The following RTN1 variants were observed in gnomAD, a reference collection of about 807,000 sequenced individuals.
The protein encoded by RTN1 is reticulon-1.
In RTN1, 25 loss-of-function variants were observed where a neutral mutation model predicts 65.5. That is an observed-to-expected ratio of 0.38 (90% CI 0.28 to 0.53). The LOEUF (loss-of-function observed/expected upper bound fraction) is 0.53. Ranked by LOEUF, RTN1 falls within the 20% of genes least tolerant of loss-of-function variation. RTN1 has a pLI of 0.79. For synonymous variants in RTN1, 471 were observed against 447.6 expected (o/e 1.05, Z -0.66); for missense variants, 983 against 1,025.4 (o/e 0.96, Z 0.57).
chr14:59,775,941 G>T (rs1886042084), intron 1 of RTN1, among the ~76,000 whole-genome samples: 1 of 152,070 alleles, frequency 6.6e-6, no homozygotes, highest in African/African-American at 2.4e-5. Flanking sequence ...AAGGGCAGCA[G>T]AGATCAATCC....
intron 1 of RTN1, among the ~76,000 whole-genome samples, chr14:59,773,621 C>A (rs998394436): frequency 2.0e-5 from 3 of 152,126 alleles, no homozygotes; most frequent in Non-Finnish European, 4.4e-5. Flanking sequence ...AGTTAAGAAT[C>A]TCCTAAAGAC....
At chr14:59,764,222 T>C (rs1393056672) in intron 1 of RTN1, among the ~76,000 whole-genome samples, 4 of 152,164 alleles carry the variant, frequency 2.6e-5, no homozygotes, top group African/African-American at 4.8e-5. Flanking sequence ...GTGACTGTTT[T>C]AGAGCATAGA....
At chr14:59,666,434 T>C (rs1019423047) in intron 3 of RTN1, among the ~76,000 whole-genome samples, 2 of 152,262 alleles carry the variant, frequency 1.3e-5, no homozygotes, top group East Asian at 3.9e-4. Context: ...GGGACACATT[T>C]AAAGCAGTGT....
At chr14:59,623,938 T>C (rs968033593) in intron 3 of RTN1, among the ~76,000 whole-genome samples, 4 of 152,252 alleles carry the variant, frequency 2.6e-5, no homozygotes, top group African/African-American at 9.6e-5. Flanking sequence ...ATCTGCAGTT[T>C]GGTGAAATAT....
At chr14:59,743,330 G>A (rs1885151263) in intron 2 of RTN1, among the ~76,000 whole-genome samples, 1 of 152,180 alleles carries the variant, frequency 6.6e-6, no homozygotes, top group Non-Finnish European at 1.5e-5. Context: ...TGCCGTGTAA[G>A]TAGACCTATA....
chr14:59,816,704 C>A lies in RTN1; in HGVS notation c.241+53686G>T, dbSNP rs1272723569. Among the ~76,000 whole-genome samples, 1 of 152,108 alleles carries A rather than the reference C, an allele frequency of 6.6e-6. No individual in the cohort carries two copies. Among genetic ancestry groups the A allele is most frequent in the East Asian group, 1.9e-4 (1 of 5,188 alleles). ...ATCCCAGCACTTTAGGAGGCCGAGG[C>A]TGGCGAATCACTTGAGTCCACGAGT... On this transcript the variant is annotated intron_variant, in intron 1 of 8. Coordinates refer to ENST00000267484, the MANE Select transcript of RTN1 (RefSeq NM_021136.3). This position sits in a 1 kb window ranked among gnomAD's most constrained non-coding sequence, Gnocchi z 4.3.
intron 3 of RTN1, 58 bp downstream of exon 3, chr14:59,726,861 T>G (rs1394291508): frequency 2.0e-6 from 3 of 1,470,558 alleles, no homozygotes; most frequent in African/African-American, 2.8e-5. Flanking sequence ...CCCTGCTGAA[T>G]GCTCAGAGCA....
rs969073039 is a variant in RTN1 at position 59,774,390 on chromosome 14, G to C, written c.242-27909C>G. On this transcript the variant is annotated intron_variant, in intron 1 of 8. Transcript: ENST00000267484. The surrounding 1 kb of genome is among the most constrained non-coding windows in gnomAD (Gnocchi z 5.1). ...ATTATAATTTGGCTCTGAAGGGTTG[G>C]TTTCTTTCAACTTCTGCAGTCTCAG... 1.3e-5 allele frequency among the ~76,000 whole-genome samples: 2 copies of C among 152,104 alleles called. No homozygotes were observed. The highest frequency in any genetic ancestry group is 4.8e-5 in the African/African-American group (2 of 41,404).
chr14:59,729,700 C>T (rs778924638), intron 2 of RTN1, among the ~76,000 whole-genome samples: 1 of 152,192 alleles, frequency 6.6e-6, no homozygotes, highest in Non-Finnish European at 1.5e-5. Flanking sequence ...ACATATGGAA[C>T]TTAGGGTCTA....
At chr14:59,660,649 G>A (rs540840462) in intron 3 of RTN1, among the ~76,000 whole-genome samples, 1 of 152,226 alleles carries the variant, frequency 6.6e-6, no homozygotes, top group African/African-American at 2.4e-5. Context: ...GGTAAATAAT[G>A]AAATTAAGGA....
rs77784752 is a variant in RTN1 at position 59,816,926 on chromosome 14, G to A, written c.241+53464C>T. ...CCAGCCTGGGTGACAGAAAGAGACC[G>A]TGACTCAAAATCAATTAATTAATAA... On this transcript the variant is annotated intron_variant, in intron 1 of 8. Coordinates refer to ENST00000267484, the MANE Select transcript of RTN1 (RefSeq NM_021136.3). This position sits in a 1 kb window ranked among gnomAD's most constrained non-coding sequence, Gnocchi z 4.3. Among the ~76,000 whole-genome samples, 1,856 of 152,184 alleles carry A rather than the reference G, an allele frequency of 0.012. 33 individuals are homozygous for A. Among genetic ancestry groups the A allele is most frequent in the African/African-American group, 0.041 (1,704 of 41,502 alleles).
chr14:59,800,664 T>G (rs1265779996), intron 1 of RTN1, among the ~76,000 whole-genome samples: 1 of 152,114 alleles, frequency 6.6e-6, no homozygotes, highest in Non-Finnish European at 1.5e-5. Context: ...CCTCCCAAAG[T>G]GCTGGGATTA....
At chr14:59,715,547 T>C (rs1481118853) in intron 3 of RTN1, among the ~76,000 whole-genome samples, 1 of 152,190 alleles carries the variant, frequency 6.6e-6, no homozygotes, top group Admixed American at 6.5e-5. Flanking sequence ...GACCTTAGGC[T>C]GGGTGCTGTG....
intron 3 of RTN1, among the ~76,000 whole-genome samples, chr14:59,703,565 CT>C (rs892303027): frequency 6.6e-6 from 1 of 152,192 alleles, no homozygotes; most frequent in African/African-American, 2.4e-5. Flanking sequence ...AATAAAACCT[CT>C]TTTCTTTATA....
At position 59,749,244 on chromosome 14, in the gene RTN1, ATATC is replaced by A. The variant is rs1186427712; in HGVS notation, c.242-2767_242-2764del. ...TCTATATATCTATATATATCTATAT[ATATC>A]TATATATCTATATATATCTATATAT... On this transcript the variant is annotated intron_variant, in intron 1 of 8. Coordinates refer to ENST00000267484, the MANE Select transcript of RTN1 (RefSeq NM_021136.3). Among the ~76,000 whole-genome samples, 43 of 47,414 alleles carry A rather than the reference ATATC, an allele frequency of 9.1e-4. 5 individuals carry two copies. The highest frequency in any genetic ancestry group is 3.0e-3 in the African/African-American group (29 of 9,678). 31.1% of individuals were successfully genotyped at this position (47,414 alleles called of 152,430 possible). A position where few individuals can be genotyped will look rare whatever the true frequency, so the allele number is the denominator to read the frequency against.
At chr14:59,636,204 C>G (rs1882661686) in intron 3 of RTN1, among the ~76,000 whole-genome samples, 1 of 152,144 alleles carries the variant, frequency 6.6e-6, no homozygotes, top group African/African-American at 2.4e-5. Context: ...AAATATGATT[C>G]CCAATGTTGG....
At chr14:59,799,355 C>G (rs1886497096) in intron 1 of RTN1, among the ~76,000 whole-genome samples, 1 of 152,178 alleles carries the variant, frequency 6.6e-6, no homozygotes, top group South Asian at 2.1e-4. Context: ...GAGAACATCA[C>G]TCTCCTTTTA....
Position 59,745,988 on chromosome 14 carries a change from C to A in RTN1, c.735G>T (p.Val245=), listed in dbSNP as rs748326261. 1 of 1,614,116 alleles carries A rather than the reference C, an allele frequency of 6.2e-7. No individual in the cohort carries two copies. Among genetic ancestry groups the A allele is most frequent in the South Asian group, 1.1e-5 (1 of 91,070 alleles). ...AATGGTCCTTGATGATTTTTCCCTC[C>A]ACAGGAGCTGGTTTGTCAGGTTCAC... is the stretch of plus-strand genomic sequence containing the variant. The part of the protein sequence containing the change: ...GVREPDKPAP[V]EGKIIKDHLL... The change falls in exon 2 of 9, where the codon GTG becomes GTT. Residue 245 remains valine, a synonymous_variant. Transcript: ENST00000267484.
chr14:59,730,300 G>A (rs534019529), intron 2 of RTN1, among the ~76,000 whole-genome samples: 1 of 152,308 alleles, frequency 6.6e-6, no homozygotes, highest in East Asian at 1.9e-4. Flanking sequence ...AGAAGGAGAG[G>A]AAAAGTGAAC....
Sources: allele counts gnomAD v4.1 joint callset (sites outside exome capture counted in the v4.1 genomes callset), GRCh38; gene constraint gnomAD v4.1.1; non-coding constraint Gnocchi (gnomAD v3.1); transcripts MANE v1.5; gene names NCBI Gene and HGNC (gene_info 2026-07-23, HGNC 2026-07-21).